BNC2: variants seen among roughly 807,000 people sequenced by gnomAD.
BNC2 encodes the protein zinc finger protein basonuclin-2.
Under a neutral mutation model 76.3 loss-of-function variants are expected in BNC2, and 20 were observed. That is an observed-to-expected ratio of 0.26 (90% CI 0.18 to 0.38). BNC2 has a LOEUF of 0.38. BNC2 is among the 10% of genes least tolerant of loss of function. The probability of loss-of-function intolerance (pLI) is 1.00; values close to 1 mark genes in which losing one functional copy is unlikely to be tolerated. For missense variants in BNC2, 1,382 were observed against 1,399.8 expected (o/e 0.99, Z 0.20); for synonymous variants, 582 against 514.8 (o/e 1.13, Z -1.77).
chr9:16,534,928 A>G (rs565690364), intron 5 of BNC2, among the ~76,000 whole-genome samples: 33 of 152,322 alleles, frequency 2.2e-4, no homozygotes, highest in African/African-American at 7.9e-4. Flanking sequence ...TAAGATGAAA[A>G]TGTGGATGAA....
chr9:16,718,541 C>T (rs1351949955), intron 3 of BNC2, among the ~76,000 whole-genome samples: 2 of 152,088 alleles, frequency 1.3e-5, no homozygotes, highest in Non-Finnish European at 2.9e-5. Flanking sequence ...AGAGACTCAT[C>T]CTGGTGTCTC....
intron 5 of BNC2, among the ~76,000 whole-genome samples, chr9:16,533,271 G>T (rs888450341): frequency 6.6e-6 from 1 of 152,118 alleles, no homozygotes; most frequent in African/African-American, 2.4e-5. Flanking sequence ...GAAACACCCT[G>T]CATGCCTCTG....
At chr9:16,674,000 T>TA (rs1822561935) in intron 3 of BNC2, among the ~76,000 whole-genome samples, 1 of 152,244 alleles carries the variant, frequency 6.6e-6, no homozygotes, top group Non-Finnish European at 1.5e-5. Flanking sequence ...TTTTAGTTGT[T>TA]ATAGCTTTAC....
rs74636249 is a variant in BNC2 at position 16,826,456 on chromosome 9, G to T, written c.3+44190C>A. Among the ~76,000 whole-genome samples, 1,152 of 152,118 alleles carry T rather than the reference G, an allele frequency of 7.6e-3. 20 individuals carry two copies. Among genetic ancestry groups the T allele is most frequent in the African/African-American group, 0.026 (1,083 of 41,494 alleles). On this transcript the variant is annotated intron_variant, in intron 1 of 6. Transcript: ENST00000380672. Reference sequence around the variant, plus strand: ...TTGCGATTATCACTGCCATACGGAGGTCCACTATTTATTTAGCTCTCACAT... The same window carrying T: ...TTGCGATTATCACTGCCATACGGAGTTCCACTATTTATTTAGCTCTCACAT...
intron 5 of BNC2, among the ~76,000 whole-genome samples, chr9:16,518,633 G>C (rs961111307): frequency 2.0e-5 from 3 of 151,468 alleles, no homozygotes; most frequent in Admixed American, 1.3e-4. Flanking sequence ...TTTTGTTTTT[G>C]AGACAGAGTC....
At chr9:16,496,262 C>T (rs1822387600) in intron 5 of BNC2, among the ~76,000 whole-genome samples, 1 of 152,146 alleles carries the variant, frequency 6.6e-6, no homozygotes, top group Admixed American at 6.5e-5. Flanking sequence ...AACAAAAACA[C>T]CATAATGATA....
At chr9:16,846,325 T>A (rs1339548) in intron 1 of BNC2, among the ~76,000 whole-genome samples, 2 of 151,982 alleles carry the variant, frequency 1.3e-5, no homozygotes, top group African/African-American at 4.8e-5. Flanking sequence ...AACAGAACTG[T>A]ACAATCTTTT....
At chr9:16,460,687 G>A (rs1444162707) in intron 5 of BNC2, among the ~76,000 whole-genome samples, 3 of 152,018 alleles carry the variant, frequency 2.0e-5, no homozygotes, top group Admixed American at 6.6e-5. Flanking sequence ...GTCACAGAGC[G>A]GTGCTTCAAC....
Position 16,762,395 on chromosome 9 carries a change from A to G in BNC2, c.4-23910T>C, listed in dbSNP as rs190973049. On this transcript the variant is annotated intron_variant, in intron 1 of 6. Coordinates refer to ENST00000380672, the MANE Select transcript of BNC2 (RefSeq NM_017637.6). ...ATGTTTTTCTCTTTCCTAGTAAAAC[A>G]GTATTTCGAAAAAACAAAGAAAATG... is the stretch of plus-strand genomic sequence containing the variant. Among the ~76,000 whole-genome samples the G allele has an allele frequency of 2.0e-5, 3 of 152,238 alleles. No individual in the cohort carries two copies. The South Asian group carries it at 6.2e-4, about 32-fold the overall frequency.
intron 5 of BNC2, among the ~76,000 whole-genome samples, chr9:16,485,952 G>C (rs1377367338): frequency 6.6e-6 from 1 of 152,186 alleles, no homozygotes; most frequent in Non-Finnish European, 1.5e-5. Flanking sequence ...TTTACAGAGA[G>C]GAAAAGGAGG....
intron 5 of BNC2, among the ~76,000 whole-genome samples, chr9:16,498,329 C>T (rs948613571): frequency 2.0e-5 from 3 of 147,342 alleles, no homozygotes; most frequent in African/African-American, 2.5e-5. Flanking sequence ...TGGAACACTA[C>T]GCAGCCATAA....
intron 1 of BNC2, among the ~76,000 whole-genome samples, chr9:16,865,947 T>C (rs2136229646): frequency 6.6e-6 from 1 of 152,252 alleles, no homozygotes; most frequent in East Asian, 1.9e-4. Flanking sequence ...AGGGTTCTAA[T>C]AAGCAACAAA....
intron 3 of BNC2, among the ~76,000 whole-genome samples, chr9:16,625,469 C>T (rs1377169270): frequency 5.9e-5 from 9 of 152,090 alleles, no homozygotes; most frequent in Non-Finnish European, 1.2e-4. Flanking sequence ...TTCAGTCTTG[C>T]TACTCAGGGA....
intron 4 of BNC2, chr9:16,575,103 T>C (rs970330801): frequency 9.5e-6 from 2 of 211,506 alleles, no homozygotes; most frequent in Non-Finnish European, 8.2e-6. Context: ...AAGAACACTA[T>C]GAGCTAGGAG....
At chr9:16,522,416 T>C (rs1042454990) in intron 5 of BNC2, among the ~76,000 whole-genome samples, 1 of 152,178 alleles carries the variant, frequency 6.6e-6, no homozygotes, top group African/African-American at 2.4e-5. Flanking sequence ...CTGGTCTCCA[T>C]TGCTGTCGGG....
At chr9:16,751,664 A>G (rs1372960919) in intron 1 of BNC2, among the ~76,000 whole-genome samples, 1 of 76,596 alleles carries the variant, frequency 1.3e-5, no homozygotes, top group African/African-American at 3.8e-5. Context: ...ATATATATGT[A>G]TGTATGTGTA....
intron 5 of BNC2, among the ~76,000 whole-genome samples, chr9:16,524,511 T>C (rs534468894): frequency 2.0e-5 from 3 of 152,236 alleles, no homozygotes; most frequent in Admixed American, 1.3e-4. Context: ...TGGGGGGTGA[T>C]TTCTTATTCT....
intron 1 of BNC2, among the ~76,000 whole-genome samples, chr9:16,844,493 C>CTT (rs67281132): frequency 1.4e-4 from 14 of 103,356 alleles, no homozygotes; most frequent in East Asian, 1.0e-3. Flanking sequence ...TTTTTCTTTT[C>CTT]TTTTTTTTTT....
intron 1 of BNC2, among the ~76,000 whole-genome samples, chr9:16,780,717 A>C (rs1826128958): frequency 6.6e-6 from 1 of 152,220 alleles, no homozygotes; most frequent in Non-Finnish European, 1.5e-5. Flanking sequence ...AAACAGATGA[A>C]AACAACAGGA....
Sources: allele counts gnomAD v4.1 joint callset (sites outside exome capture counted in the v4.1 genomes callset), GRCh38; gene constraint gnomAD v4.1.1; transcripts MANE v1.5; gene names NCBI Gene and HGNC (gene_info 2026-07-23, HGNC 2026-07-21).